CDC42BPA: variants seen among roughly 807,000 people sequenced by gnomAD.
CDC42BPA encodes CDC42 binding protein kinase alpha.
CDC42BPA carries 80 observed loss-of-function variants against 223.5 expected under a neutral mutation model. The observed-to-expected ratio is 0.36, with a 90% CI of 0.30 to 0.43. The LOEUF is 0.43. Among genes scored for constraint, CDC42BPA ranks in the 20% least tolerant of loss-of-function variants. The pLI, the probability that CDC42BPA is intolerant of heterozygous loss-of-function variation, is 1.00. For missense variants in CDC42BPA, 1,743 were observed against 2,099.9 expected, an observed-to-expected ratio of 0.83 and a Z score of 3.32; for synonymous variants, 694 against 718.6, an observed-to-expected ratio of 0.97 and a Z score of 0.55.
Position 227,272,942 on chromosome 1 carries a change from A to G in CDC42BPA, c.179-18787T>C, listed in dbSNP as rs138065396. ...TCCATTTCTTTGCAGAGACTAAACTATTTACTAACTCAAACGTATTGGCAA... is the reference window on the plus strand; with the variant it reads ...TCCATTTCTTTGCAGAGACTAAACTGTTTACTAACTCAAACGTATTGGCAA... On this transcript the variant is annotated intron_variant, in intron 1 of 36. Coordinates refer to ENST00000366766, the MANE Select transcript of CDC42BPA (RefSeq NM_001394014.1). Among the ~76,000 whole-genome samples the G allele has an allele frequency of 8.5e-5, 13 of 152,318 alleles. No individual in the cohort carries two copies. The East Asian group carries it at 2.3e-3, about 27-fold the overall frequency.
At chr1:227,077,368 G>A (rs1201011466) in intron 17 of CDC42BPA, among the ~76,000 whole-genome samples, 1 of 152,104 alleles carries the variant, frequency 6.6e-6, no homozygotes, top group African/African-American at 2.4e-5. Context: ...ATCAATAGAA[G>A]CTATTACTAT....
chr1:227,296,213 C>T (rs978357328), intron 1 of CDC42BPA, among the ~76,000 whole-genome samples: 1 of 152,188 alleles, frequency 6.6e-6, no homozygotes, highest in African/African-American at 2.4e-5. Flanking sequence ...ATCCAAACAT[C>T]TAAGGCCAGT....
chr1:227,232,816 G>A (rs936588906), intron 2 of CDC42BPA, among the ~76,000 whole-genome samples: 3 of 152,172 alleles, frequency 2.0e-5, no homozygotes, highest in African/African-American at 2.4e-5. Flanking sequence ...GGTGTCAGTC[G>A]GCCCCTACTG....
chr1:227,213,943 A>T (rs948924216), intron 2 of CDC42BPA, among the ~76,000 whole-genome samples: 14 of 152,176 alleles, frequency 9.2e-5, no homozygotes, highest in Non-Finnish European at 1.5e-4. Flanking sequence ...CAACAAATTG[A>T]TTACATTTCT....
rs1660987939 is a variant in CDC42BPA, at chr1:226,993,418, T to C, written c.*850A>G. On this transcript the variant is annotated 3_prime_UTR_variant, in exon 37 of 37. Transcript: ENST00000366766. ...CTGCTGCTGCTGAAGTGGCTTCAAA[T>C]GTTAAAGCTCTGGTGCCCAGGGCAT... 1 of 152,280 alleles carries C rather than the reference T, an allele frequency of 6.6e-6. No homozygotes were observed. Among genetic ancestry groups the C allele is most frequent in the Non-Finnish European group, 1.5e-5 (1 of 68,058 alleles). The allele number at this position is 152,280 out of a possible 1,614,324, so 9.4% of individuals were successfully genotyped here.
chr1:227,178,709 G>A (rs1217796690), intron 5 of CDC42BPA, among the ~76,000 whole-genome samples: 1 of 152,148 alleles, frequency 6.6e-6, no homozygotes, highest in Non-Finnish European at 1.5e-5. Flanking sequence ...TGGTCAGGCT[G>A]GTCTTGAACT....
intron 2 of CDC42BPA, among the ~76,000 whole-genome samples, chr1:227,241,981 G>A (rs972514041): frequency 2.6e-5 from 4 of 151,934 alleles, no homozygotes; most frequent in Non-Finnish European, 5.9e-5. Flanking sequence ...AAATAATATC[G>A]TTCCAAAATG....
At chr1:227,044,419 ATTTTCTG>A (rs1671994812) in intron 23 of CDC42BPA, among the ~76,000 whole-genome samples, 1 of 144,922 alleles carries the variant, frequency 6.9e-6, no homozygotes, top group African/African-American at 2.5e-5. Context: ...ATTTTTCTAC[ATTTTCTG>A]TTTTAAATTT....
intron 3 of CDC42BPA, among the ~76,000 whole-genome samples, chr1:227,202,679 G>T (rs1317889182): frequency 6.6e-6 from 1 of 151,362 alleles, no homozygotes; most frequent in East Asian, 1.9e-4. Flanking sequence ...CCCACGCTTT[G>T]GGAAGTGAGG....
Position 227,271,784 on chromosome 1 carries a change from T to A in CDC42BPA, c.179-17629A>T, listed in dbSNP as rs111717329. Among the ~76,000 whole-genome samples, 230 of 152,286 alleles carry A rather than the reference T, an allele frequency of 1.5e-3. 2 individuals are homozygous for A. The highest frequency in any genetic ancestry group is 1.6e-3 in the Non-Finnish European group (111 of 67,998). On this transcript the variant is annotated intron_variant, in intron 1 of 36. Coordinates refer to ENST00000366766, the MANE Select transcript of CDC42BPA (RefSeq NM_001394014.1). ...TCAATACCAGATATTGTACTAGAAATGGGAAACATTCTGGGTAGTTACCTA... is the reference window on the plus strand; with the variant it reads ...TCAATACCAGATATTGTACTAGAAAAGGGAAACATTCTGGGTAGTTACCTA...
intron 35 of CDC42BPA, chr1:227,004,053 C>T (rs1256576349): frequency 1.6e-5 from 1 of 62,056 alleles, no homozygotes; most frequent in Non-Finnish European, 3.5e-5. Flanking sequence ...CAAACAGATA[C>T]ATTTTTTTTT....
chr1:227,007,175 G>A (rs561406687), intron 34 of CDC42BPA, among the ~76,000 whole-genome samples: 1 of 152,252 alleles, frequency 6.6e-6, no homozygotes, highest in African/African-American at 2.4e-5. Context: ...TTAATTCCAA[G>A]TTAAACTATA....
chr1:227,290,047 A>T (rs1465241199), intron 1 of CDC42BPA, among the ~76,000 whole-genome samples: 2 of 152,156 alleles, frequency 1.3e-5, no homozygotes, highest in Admixed American at 6.5e-5. Context: ...TCTAAAAATA[A>T]AAACAAATAT....
chr1:227,017,042 C>G lies in CDC42BPA; in HGVS notation c.4624G>C (p.Glu1542Gln). The G allele has an allele frequency of 6.2e-7, 1 of 1,607,790 alleles. No homozygotes were observed. ...TCTGATGTTTCAGGTACTACCAGTTCGTCCCCTTCTGTTAAAATAAAAATA... is the reference window on the plus strand; with the variant it reads ...TCTGATGTTTCAGGTACTACCAGTTGGTCCCCTTCTGTTAAAATAAAAATA... Reference protein sequence around the residue: ...YFKNKMAEGDELVVPETSDNS... With the variant: ...YFKNKMAEGDQLVVPETSDNS... Residue 1542 changes from glutamate to glutamine, a missense_variant, in exon 33 of 37, where the codon GAA (glutamate) becomes CAA (glutamine). This residue lies in a region of CDC42BPA where 678 missense variants were observed against 777.5 expected (regional missense o/e 0.87). Transcript: ENST00000366766.
chr1:227,159,253 G>T (rs377316938), intron 6 of CDC42BPA, among the ~76,000 whole-genome samples: 1 of 152,118 alleles, frequency 6.6e-6, no homozygotes, highest in African/African-American at 2.4e-5. Context: ...TTGGGAGGCC[G>T]AGGTGGGCAG....
At chr1:227,235,159 A>G (rs908136214) in intron 2 of CDC42BPA, 1 of 152,192 alleles carries the variant, frequency 6.6e-6, no homozygotes, top group African/African-American at 2.4e-5. Flanking sequence ...CACCAAAGAA[A>G]TGAGGAGAAC....
rs565010526 is a variant in CDC42BPA, at chr1:227,077,769, A to AC, written c.2480+3123dup. ...TGTATCATCTTCCCCAAGGGTGGTT[A>AC]CCCCTCTTAACTTTCCTACTTCAAT... On this transcript the variant is annotated intron_variant, in intron 17 of 36. Coordinates refer to ENST00000366766, the MANE Select transcript of CDC42BPA (RefSeq NM_001394014.1). Among the ~76,000 whole-genome samples the AC allele has an allele frequency of 2.0e-5, 3 of 152,254 alleles. No homozygotes were observed. The East Asian group carries it at 5.8e-4, about 29-fold the overall frequency.
chr1:227,193,739 A>G, intron 5 of CDC42BPA, 47 bp downstream of exon 5: 1 of 1,438,124 alleles, frequency 7.0e-7, no homozygotes, highest in Non-Finnish European at 9.4e-7. Flanking sequence ...CTGTTGCTAG[A>G]TATTACATGG....
chr1:227,140,265 ACAG>A (rs1277356271), intron 9 of CDC42BPA, among the ~76,000 whole-genome samples: 48 of 152,202 alleles, frequency 3.2e-4, no homozygotes, highest in African/African-American at 1.2e-3. Context: ...AGTGACTGAG[ACAG>A]AAATAAAGAA....
Sources: gnomAD v4.1 joint callset for allele counts (sites outside exome capture counted in the v4.1 genomes callset) on GRCh38, gnomAD v4.1.1 for gene constraint, gnomAD v4.1.1 regional missense constraint, MANE v1.5 for transcripts, NCBI Gene and HGNC (gene_info 2026-07-23, HGNC 2026-07-21) for gene names.